Variants in ARHGAP31 observed in about 807,000 individuals in gnomAD.
The protein encoded by ARHGAP31 is Rho GTPase activating protein 31.
Under a neutral mutation model 113.9 loss-of-function variants are expected in ARHGAP31, and 34 were observed. That is an observed-to-expected ratio of 0.30 (90% CI 0.23 to 0.40). The LOEUF is 0.40. ARHGAP31 is among the 10% of genes least tolerant of loss of function. The pLI is 1.00. For missense variants in ARHGAP31, 1,548 were observed against 1,767.1 expected (o/e 0.88, Z 2.22); for synonymous variants, 650 against 684.8 (o/e 0.95, Z 0.79).
chr3:119,396,627 G>A (rs2080552918), intron 8 of ARHGAP31, among the ~76,000 whole-genome samples: 1 of 152,242 alleles, frequency 6.6e-6, no homozygotes, highest in Admixed American at 6.5e-5. Flanking sequence ...GTCTCTGTAA[G>A]TGGCACGTGA....
intron 1 of ARHGAP31, among the ~76,000 whole-genome samples, chr3:119,346,047 T>C (rs949696318): frequency 6.6e-6 from 1 of 152,168 alleles, no homozygotes; most frequent in Non-Finnish European, 1.5e-5. Context: ...GTAGCACCAG[T>C]GGTACTGTCT....
At chr3:119,328,846 T>G (rs999175610) in intron 1 of ARHGAP31, among the ~76,000 whole-genome samples, 9 of 152,204 alleles carry the variant, frequency 5.9e-5, no homozygotes, top group African/African-American at 1.9e-4. Context: ...TTCACCTTGT[T>G]GGCCAGGCCG....
intron 1 of ARHGAP31, among the ~76,000 whole-genome samples, chr3:119,346,211 C>T (rs2080055783): frequency 6.6e-6 from 1 of 152,258 alleles, no homozygotes; most frequent in African/African-American, 2.4e-5. Flanking sequence ...CTACTTCCAT[C>T]TCTTCAGTGA....
At chr3:119,334,239 C>G (rs2079921701) in intron 1 of ARHGAP31, among the ~76,000 whole-genome samples, 1 of 152,112 alleles carries the variant, frequency 6.6e-6, no homozygotes, top group South Asian at 2.1e-4. Context: ...CCGTCTTGGC[C>G]CCCACTCCAG....
intron 6 of ARHGAP31, among the ~76,000 whole-genome samples, chr3:119,389,056 G>T (rs1451554849): frequency 2.0e-5 from 3 of 152,132 alleles, no homozygotes; most frequent in African/African-American, 7.2e-5. Flanking sequence ...AGCTACTCAG[G>T]AGGCTGAGGC....
chr3:119,358,045 C>A (rs1419054266), intron 1 of ARHGAP31, among the ~76,000 whole-genome samples: 6 of 152,204 alleles, frequency 3.9e-5, no homozygotes, highest in Admixed American at 2.0e-4. Flanking sequence ...TGTAAAACTT[C>A]TGTGCTTCAA....
At chr3:119,372,997 A>G (rs1228832729) in intron 3 of ARHGAP31, among the ~76,000 whole-genome samples, 1 of 152,236 alleles carries the variant, frequency 6.6e-6, no homozygotes. Flanking sequence ...AAAATTCGCT[A>G]TCTATTGCAA....
At chr3:119,336,297 T>G (rs2079946280) in intron 1 of ARHGAP31, among the ~76,000 whole-genome samples, 1 of 152,232 alleles carries the variant, frequency 6.6e-6, no homozygotes. Context: ...ATCACTTTAT[T>G]TTTTAAATTC....
At chr3:119,315,228 G>A (rs2079719278) in intron 1 of ARHGAP31, among the ~76,000 whole-genome samples, 1 of 152,196 alleles carries the variant, frequency 6.6e-6, no homozygotes, top group Non-Finnish European at 1.5e-5. Flanking sequence ...AATGTTTATA[G>A]TTTGAAAAAC....
rs115205887 is a variant in ARHGAP31, at chr3:119,376,067, C to T, written c.349-4837C>T. ...TCCCTTGGTTAAATTGTAAGCTTCCCGAGGACAGGAACTGTGTTTATTTTA... is the reference window on the plus strand; with the variant it reads ...TCCCTTGGTTAAATTGTAAGCTTCCTGAGGACAGGAACTGTGTTTATTTTA... On this transcript the variant is annotated intron_variant, in intron 3 of 11. Coordinates refer to ENST00000264245, the MANE Select transcript of ARHGAP31 (RefSeq NM_020754.4). Among the ~76,000 whole-genome samples the T allele has an allele frequency of 9.4e-3, 1,426 of 151,988 alleles. 23 individuals are homozygous for T. Among genetic ancestry groups the T allele is most frequent in the African/African-American group, 0.031 (1,297 of 41,390 alleles).
In ARHGAP31 at chr3:119,368,534, C is replaced by T. The variant is rs995810138; in HGVS notation, c.348+18C>T. ...AATTCACGGTGAGTGTTTGGATTTC[C>T]ATTATGGTTACTGGGTGGGATGCAT... On this transcript the variant is annotated intron_variant, in intron 3 of 11. Transcript: ENST00000264245. 14 of 1,613,876 alleles carry T rather than the reference C, an allele frequency of 8.7e-6. No individual in the cohort carries two copies. The highest frequency in any genetic ancestry group is 1.2e-5 in the Non-Finnish European group (14 of 1,179,968).
intron 8 of ARHGAP31, 127 bp downstream of exon 8, chr3:119,393,718 A>G (rs1577027063): frequency 7.6e-7 from 1 of 1,309,456 alleles, no homozygotes; most frequent in Non-Finnish European, 1.1e-6. Flanking sequence ...AACTAGGGGA[A>G]GAGGAGTCTT....
intron 3 of ARHGAP31, 94 bp from the exon 4 acceptor site, chr3:119,380,810 G>C: frequency 9.8e-7 from 1 of 1,020,734 alleles, no homozygotes; most frequent in South Asian, 1.3e-5. Context: ...TGGTTGTGAG[G>C]CTGGAGTATG....
intron 1 of ARHGAP31, among the ~76,000 whole-genome samples, chr3:119,305,293 G>A (rs989209715): frequency 5.3e-5 from 8 of 152,174 alleles, no homozygotes; most frequent in African/African-American, 1.9e-4. Flanking sequence ...GATTTAGTTA[G>A]ACTTAATAAA....
intron 2 of ARHGAP31, 45 bp downstream of exon 2, chr3:119,365,463 C>T (rs1485310322): frequency 1.3e-6 from 2 of 1,525,474 alleles, no homozygotes; most frequent in Non-Finnish European, 9.1e-7. Context: ...CATGATTCCT[C>T]CTGTGTCCAT....
chr3:119,371,230 T>A (rs2080294278), intron 3 of ARHGAP31, among the ~76,000 whole-genome samples: 1 of 152,202 alleles, frequency 6.6e-6, no homozygotes, highest in Non-Finnish European at 1.5e-5. Context: ...ATTCTTTGTC[T>A]GGAAACTTTA....
chr3:119,369,687 GA>G (rs1344751044), intron 3 of ARHGAP31, among the ~76,000 whole-genome samples: 1 of 152,128 alleles, frequency 6.6e-6, no homozygotes, highest in Non-Finnish European at 1.5e-5. Context: ...GCTAATTGAA[GA>G]AAAACTAAAT....
Position 119,418,138 on chromosome 3 carries a change from CGAG to C in ARHGAP31, c.*1876_*1878del, listed in dbSNP as rs2080794028. ...GTACCTTTTAAGCCAGTGTCTGTGGCGAGGGTGACTGGCAAGTCAGCTGATGAG... is the reference window on the plus strand; with the variant it reads ...GTACCTTTTAAGCCAGTGTCTGTGGCGGTGACTGGCAAGTCAGCTGATGAG... On this transcript the variant is annotated 3_prime_UTR_variant, in exon 12 of 12. Coordinates refer to ENST00000264245, the MANE Select transcript of ARHGAP31 (RefSeq NM_020754.4). 6.7e-6 allele frequency: 1 copy of C among 148,702 alleles called. No individual in the cohort carries two copies. The highest frequency in any genetic ancestry group is 2.2e-4 in the South Asian group (1 of 4,496). 9.2% of individuals were successfully genotyped at this position (148,702 alleles called of 1,614,324 possible). A position where few individuals can be genotyped will look rare whatever the true frequency, so the allele number is the denominator to read the frequency against.
chr3:119,380,733 C>A (rs544312749), intron 3 of ARHGAP31, among the ~76,000 whole-genome samples, 171 bp from the exon 4 acceptor site: 3 of 152,324 alleles, frequency 2.0e-5, no homozygotes, highest in African/African-American at 4.8e-5. Flanking sequence ...CCAGAACCAA[C>A]AGAAACTGTA....
Sources: gnomAD v4.1 joint callset for allele counts (sites outside exome capture counted in the v4.1 genomes callset) on GRCh38, gnomAD v4.1.1 for gene constraint, MANE v1.5 for transcripts, NCBI Gene and HGNC (gene_info 2026-07-23, HGNC 2026-07-21) for gene names.